Variants in CLPTM1L observed in about 807,000 individuals in gnomAD.
CLPTM1L encodes CLPTM1 like.
A neutral mutation model predicts 70.9 loss-of-function variants in CLPTM1L; 38 were observed. That is an observed-to-expected ratio of 0.54 (90% CI 0.41 to 0.70). The LOEUF is 0.70. CLPTM1L is among the 30% of genes least tolerant of loss of function. The pLI is 0.00. For missense variants in CLPTM1L, 652 were observed against 705.9 expected, an observed-to-expected ratio of 0.92 and a Z score of 0.87; for synonymous variants, 339 against 299.9, an observed-to-expected ratio of 1.13 and a Z score of -1.35.
At chr5:1,334,205 C>A in intron 7 of CLPTM1L, 84 bp downstream of exon 7, 2 of 975,628 alleles carry the variant, frequency 2.0e-6, no homozygotes, top group South Asian at 1.4e-5. Flanking sequence ...GCCCACAAAC[C>A]CCAGGTCCAG....
intron 5 of CLPTM1L, among the ~76,000 whole-genome samples, chr5:1,337,559 C>T (rs748976076): frequency 3.3e-5 from 5 of 152,258 alleles, no homozygotes; most frequent in Non-Finnish European, 7.3e-5. Context: ...CTACATGGCA[C>T]ACCAGGAGCT....
intron 16 of CLPTM1L, among the ~76,000 whole-genome samples, chr5:1,319,364 G>GGT (rs1411510995): frequency 2.9e-5 from 4 of 136,176 alleles, no homozygotes; most frequent in Non-Finnish European, 6.4e-5. Context: ...AGGGTGGGGG[G>GGT]GGGCAGCCGG....
At chr5:1,332,071 T>C (rs1055117475) in intron 7 of CLPTM1L, 188 bp from the exon 8 acceptor site, 2 of 597,890 alleles carry the variant, frequency 3.3e-6, no homozygotes, top group Non-Finnish European at 6.0e-6. Context: ...GAACCTAGAG[T>C]GCCCAGGCGG....
At chr5:1,343,124 G>C (rs1374866320) in intron 2 of CLPTM1L, among the ~76,000 whole-genome samples, 1 of 152,098 alleles carries the variant, frequency 6.6e-6, no homozygotes, top group Non-Finnish European at 1.5e-5. Context: ...CCGGGAACCG[G>C]AGGTTGCAGT....
At chr5:1,338,057 T>G (rs1753694708) in intron 4 of CLPTM1L, 75 bp from the exon 5 acceptor site, 2 of 1,252,816 alleles carry the variant, frequency 1.6e-6, no homozygotes, top group African/African-American at 2.9e-5. Flanking sequence ...ATCCAGACAC[T>G]GGGTTTACCC....
chr5:1,343,918 CACTT>C (rs1754105686), intron 2 of CLPTM1L, among the ~76,000 whole-genome samples: 1 of 152,258 alleles, frequency 6.6e-6, no homozygotes, highest in Admixed American at 6.5e-5. Flanking sequence ...CGTCACATGT[CACTT>C]ATTTATGATT....
chr5:1,327,450 T>C (rs1489575616), intron 9 of CLPTM1L, among the ~76,000 whole-genome samples: 2 of 133,318 alleles, frequency 1.5e-5, no homozygotes, highest in Non-Finnish European at 3.4e-5. Flanking sequence ...GCTCCTCCTC[T>C]ACAGGGACAT....
At chr5:1,327,663 T>C (rs1752706622) in intron 9 of CLPTM1L, among the ~76,000 whole-genome samples, 1 of 148,340 alleles carries the variant, frequency 6.7e-6, no homozygotes, top group Admixed American at 6.7e-5. Flanking sequence ...TACAGACACA[T>C]TTCATCCAGC....
In CLPTM1L at chr5:1,321,788, C is replaced by A; in HGVS notation, c.1347G>T (p.Leu449=). 5.0e-6 allele frequency: 8 copies of A among 1,614,068 alleles called. No individual in the cohort carries two copies. The highest frequency in any genetic ancestry group is 6.8e-6 in the Non-Finnish European group (8 of 1,179,994). The change falls in exon 14 of 17, where the codon CTG becomes CTT. Residue 449 remains leucine (L), a synonymous_variant. Coordinates refer to ENST00000320895, the MANE Select transcript of CLPTM1L (RefSeq NM_030782.5). ...GVYAFGFLFM[L]PQLFVNYKLK... is the part of the protein sequence containing the mutation. ...CCTTGTAGTTCACAAAGAGCTGGGG[C>A]AGCATGAAGAGGAAACCAAAGGCAT...
chr5:1,334,434 C>G (rs1367758953), intron 6 of CLPTM1L, 51 bp from the exon 7 acceptor site: 4 of 1,262,228 alleles, frequency 3.2e-6, no homozygotes, highest in East Asian at 2.3e-5. Flanking sequence ...GTCAATCTTA[C>G]CTAACATTAC....
chr5:1,343,563 G>A (rs1350611760), intron 2 of CLPTM1L, among the ~76,000 whole-genome samples: 2 of 152,220 alleles, frequency 1.3e-5, no homozygotes, highest in African/African-American at 4.8e-5. Context: ...AGCTACAACC[G>A]AGCGGGCAGC....
chr5:1,343,270 G>GTT (rs758292449), intron 2 of CLPTM1L, among the ~76,000 whole-genome samples: 120 of 152,244 alleles, frequency 7.9e-4, no homozygotes, highest in Non-Finnish European at 1.2e-3. Flanking sequence ...CCAGGAAAGA[G>GTT]TATGTCTCCA....
chr5:1,335,158 G>C lies in CLPTM1L; in HGVS notation c.695C>G (p.Thr232Ser). ...VKDLMVINRS[T>S]TELPLTVSYD... ...GGACACGGTGAGGGGCAGCTCGGTG[G>C]TGGAGCGGTTTATGACCTGATGAAG... Residue 232 changes from threonine (T) to serine (S), a missense_variant, in exon 6 of 17, where the codon ACC becomes AGC. Physicochemically the swap from Thr to Ser is moderately conservative, Grantham distance 58 (BLOSUM62 1). Around this residue, in one of 3 missense-constraint regions of CLPTM1L, gnomAD observed 402 missense variants for 388.2 expected, o/e 1.04. Transcript: ENST00000320895. 1 of 1,613,612 alleles carries C rather than the reference G, an allele frequency of 6.2e-7. No homozygotes were observed. The highest frequency in any genetic ancestry group is 1.3e-5 in the African/African-American group (1 of 75,068).
Position 1,321,746 on chromosome 5 carries a change from C to T in CLPTM1L, c.1371+18G>A. ...CAGGAGACGGGGGCCGGGCCGCGGG[C>T]AGCACACACCGCCTTACCTTGTAGT... On this transcript the variant is annotated intron_variant, in intron 14 of 16. Coordinates refer to ENST00000320895, the MANE Select transcript of CLPTM1L (RefSeq NM_030782.5). The T allele has an allele frequency of 6.2e-7, 1 of 1,613,888 alleles. No individual in the cohort carries two copies. The highest frequency in any genetic ancestry group is 8.5e-7 in the Non-Finnish European group (1 of 1,179,914).
chr5:1,326,294 TCATTTCATCCAGCTCCTCCTCTACAGGGA>T (rs1752534784), intron 9 of CLPTM1L: 1 of 250,746 alleles, frequency 4.0e-6, no homozygotes, highest in African/African-American at 2.3e-5. Flanking sequence ...AGCTCCAGCG[TCATTTCATCCAGCTCCTCCTCTACAGGGA>T]CATTCCATCC....
In CLPTM1L at chr5:1,331,791, G is replaced by A. The variant is rs759288082; in HGVS notation, c.976+8C>T. The A allele has an allele frequency of 1.2e-6, 2 of 1,612,796 alleles. No individual in the cohort carries two copies. The highest frequency in any genetic ancestry group is 1.7e-6 in the Non-Finnish European group (2 of 1,179,778). ...GTATCTGAGCAGGGCCACGCTCGGG[G>A]GGCCTACCTGCCTTGGTGGACATGC... On this transcript the variant is annotated splice_region_variant and intron_variant, in intron 8 of 16. Coordinates refer to ENST00000320895, the MANE Select transcript of CLPTM1L (RefSeq NM_030782.5).
At chr5:1,338,708 A>G in intron 4 of CLPTM1L, 152 bp downstream of exon 4, 1 of 808,780 alleles carries the variant, frequency 1.2e-6, no homozygotes, top group Non-Finnish European at 2.0e-6. Flanking sequence ...CACAACCTCA[A>G]TGAGGAAGTG....
intron 15 of CLPTM1L, among the ~76,000 whole-genome samples, chr5:1,321,189 C>A (rs1254231118): frequency 6.6e-6 from 1 of 152,252 alleles, no homozygotes; most frequent in Non-Finnish European, 1.5e-5. Flanking sequence ...ATTAACTCAG[C>A]TCCGCCTGCA....
intron 3 of CLPTM1L, among the ~76,000 whole-genome samples, chr5:1,341,105 G>A (rs1322600604): frequency 6.6e-6 from 1 of 152,234 alleles, no homozygotes; most frequent in Non-Finnish European, 1.5e-5. Context: ...CAACACAAAG[G>A]TGGGTGTCAG....
Sources: allele counts gnomAD v4.1 joint callset (sites outside exome capture counted in the v4.1 genomes callset), GRCh38; gene constraint gnomAD v4.1.1; regional missense constraint gnomAD v4.1.1; transcripts MANE v1.5; gene names NCBI Gene and HGNC (gene_info 2026-07-23, HGNC 2026-07-21).